Variants in CHST8 observed in about 807,000 individuals in gnomAD.
The protein encoded by CHST8 is GALNAC-4-ST1.
Under a neutral mutation model 15.0 loss-of-function variants are expected in CHST8, and 10 were observed. The ratio of observed to expected loss-of-function variants is 0.67; its 90% CI spans 0.41 to 1.13. The LOEUF (loss-of-function observed/expected upper bound fraction) is 1.13. Ranked by LOEUF, CHST8 falls within the 50% of genes most tolerant of loss-of-function variation. The probability of loss-of-function intolerance (pLI) is 0.00; values close to 1 mark genes in which losing one functional copy is unlikely to be tolerated. For missense variants in CHST8, 634 were observed against 608.2 expected (o/e 1.04, Z -0.45); for synonymous variants, 259 against 256.6 (o/e 1.01, Z -0.09).
intron 2 of CHST8, among the ~76,000 whole-genome samples, chr19:33,670,473 A>G (rs946417119): frequency 1.3e-5 from 2 of 152,356 alleles, no homozygotes; most frequent in Admixed American, 6.5e-5. Context: ...GCGTAAACAT[A>G]AAATACCAAC....
chr19:33,729,820 G>A (rs1015972169), intron 3 of CHST8, among the ~76,000 whole-genome samples: 4 of 152,196 alleles, frequency 2.6e-5, no homozygotes, highest in Admixed American at 1.3e-4. Flanking sequence ...AGAGATTGTC[G>A]ACTGGTGGAA....
intron 1 of CHST8, among the ~76,000 whole-genome samples, chr19:33,647,643 C>T (rs1015440297): frequency 3.9e-5 from 6 of 151,904 alleles, no homozygotes; most frequent in Non-Finnish European, 8.8e-5. Flanking sequence ...GACAGGAGTT[C>T]GAGACCAGCC....
At chr19:33,623,069 C>G (rs1972006451) in intron 1 of CHST8, among the ~76,000 whole-genome samples, 1 of 152,178 alleles carries the variant, frequency 6.6e-6, no homozygotes, top group Non-Finnish European at 1.5e-5. Context: ...AGGGCGATCA[C>G]GGGTTTTGGC....
intron 1 of CHST8, among the ~76,000 whole-genome samples, chr19:33,658,674 G>A (rs944240530): frequency 1.3e-5 from 2 of 152,066 alleles, no homozygotes; most frequent in African/African-American, 2.4e-5. Flanking sequence ...TTTTCTTCCT[G>A]TAAACTTTGA....
chr19:33,647,284 G>A (rs1412607854), intron 1 of CHST8, among the ~76,000 whole-genome samples: 7 of 152,206 alleles, frequency 4.6e-5, no homozygotes, highest in Non-Finnish European at 8.8e-5. Context: ...GAGACAGGAA[G>A]AAAGCAGGAG....
intron 1 of CHST8, among the ~76,000 whole-genome samples, chr19:33,658,730 G>A (rs544013330): frequency 2.8e-4 from 42 of 152,126 alleles, no homozygotes; most frequent in African/African-American, 9.4e-4. Flanking sequence ...CCAAGATTAC[G>A]AATTTATTTT....
At chr19:33,769,860 C>T (rs999749809) in intron 3 of CHST8, among the ~76,000 whole-genome samples, 4 of 152,100 alleles carry the variant, frequency 2.6e-5, no homozygotes, top group Admixed American at 6.5e-5. Flanking sequence ...GGACACTCTG[C>T]CCTTTGCCCA....
At chr19:33,706,826 C>T (rs1046277345) in intron 3 of CHST8, among the ~76,000 whole-genome samples, 8 of 152,188 alleles carry the variant, frequency 5.3e-5, no homozygotes, top group African/African-American at 1.9e-4. Flanking sequence ...GTACAACACA[C>T]AGAGCTTGCA....
intron 3 of CHST8, 46 bp from the exon 4 acceptor site, chr19:33,771,367 T>C (rs759856653): frequency 2.5e-6 from 4 of 1,598,710 alleles, no homozygotes; most frequent in South Asian, 1.1e-5. Context: ...CTGGGAGCCA[T>C]GTGGCAGATC....
intron 1 of CHST8, among the ~76,000 whole-genome samples, chr19:33,659,943 C>G (rs1224992241): frequency 6.6e-6 from 1 of 152,228 alleles, no homozygotes; most frequent in Non-Finnish European, 1.5e-5. Flanking sequence ...CTGTTCATGG[C>G]AGTCACTCCA....
At chr19:33,679,216 A>G (rs1972852869) in intron 2 of CHST8, among the ~76,000 whole-genome samples, 1 of 152,126 alleles carries the variant, frequency 6.6e-6, no homozygotes, top group Non-Finnish European at 1.5e-5. Flanking sequence ...TAAATATGCA[A>G]TTTTTTCCTC....
chr19:33,636,348 A>T (rs1306703310), intron 1 of CHST8, among the ~76,000 whole-genome samples: 1 of 152,190 alleles, frequency 6.6e-6, no homozygotes, highest in Non-Finnish European at 1.5e-5. Context: ...AGTGTTTATC[A>T]AAAACCACCT....
chr19:33,673,339 C>T (rs16960728), intron 2 of CHST8, among the ~76,000 whole-genome samples: 5,878 of 152,256 alleles, frequency 0.039, 358 homozygotes, highest in African/African-American at 0.13. Context: ...GAGATGATGC[C>T]TGCAGTGACT....
chr19:33,761,369 A>G (rs983174220), intron 3 of CHST8, among the ~76,000 whole-genome samples: 32 of 151,792 alleles, frequency 2.1e-4, no homozygotes, highest in African/African-American at 7.5e-4. Context: ...TCACTCTGTC[A>G]TCCAGGCTGG....
At position 33,669,071 on chromosome 19, in the gene CHST8, G is replaced by A. The variant is rs112748083; in HGVS notation, c.-87+1228G>A. 2.6e-4 allele frequency among the ~76,000 whole-genome samples: 40 copies of A among 152,242 alleles called. 2 individuals carry two copies. Among genetic ancestry groups the A allele is most frequent in the South Asian group, 4.1e-4 (2 of 4,820 alleles). ...ATGAGAGGGAAATCAAAGGGCCCCC[G>A]CTAAGCAGAATCGTTCCCATCAGCC... On this transcript the variant is annotated intron_variant, in intron 2 of 4. Transcript: ENST00000650847.
At chr19:33,761,791 C>T (rs74582933) in intron 3 of CHST8, among the ~76,000 whole-genome samples, 3,303 of 151,902 alleles carry the variant, frequency 0.022, 96 homozygotes, top group African/African-American at 0.073. Context: ...TGAGCCATGA[C>T]CACGGCACTC....
At chr19:33,677,124 C>T (rs886085129) in intron 2 of CHST8, among the ~76,000 whole-genome samples, 1 of 151,444 alleles carries the variant, frequency 6.6e-6, no homozygotes, top group Non-Finnish European at 1.5e-5. Context: ...CATAAGAAGT[C>T]AGGGCTCCAG....
chr19:33,652,553 T>G (rs1276513366), intron 1 of CHST8, among the ~76,000 whole-genome samples: 2 of 152,022 alleles, frequency 1.3e-5, no homozygotes, highest in Admixed American at 1.3e-4. Context: ...TTCTTGTATC[T>G]TTATTAGAGA....
chr19:33,717,040 G>A (rs527882955), intron 3 of CHST8, among the ~76,000 whole-genome samples: 95 of 152,262 alleles, frequency 6.2e-4, no homozygotes, highest in Middle Eastern at 6.8e-3. Flanking sequence ...TTTTGATACC[G>A]GTGGGCTGGG....
Sources: allele counts gnomAD v4.1 joint callset (sites outside exome capture counted in the v4.1 genomes callset), GRCh38; gene constraint gnomAD v4.1.1; transcripts MANE v1.5; gene names NCBI Gene and HGNC (gene_info 2026-07-23, HGNC 2026-07-21).